The following MAGI3 variants were observed in gnomAD, a reference collection of about 807,000 sequenced individuals.
MAGI3 encodes membrane-associated guanylate kinase, WW and PDZ domain-containing protein 3.
In MAGI3, 43 loss-of-function variants were observed where a neutral mutation model predicts 121.8. The observed-to-expected ratio is 0.35, with a 90% CI of 0.28 to 0.46. The LOEUF is 0.46. Ranked by LOEUF, MAGI3 falls within the 20% of genes least tolerant of loss-of-function variation. The pLI is 1.00. For missense variants in MAGI3, 1,547 were observed against 1,797.3 expected (o/e 0.86, Z 2.52); for synonymous variants, 553 against 639.3 (o/e 0.86, Z 2.04).
chr1:113,419,639 C>T (rs931450005), intron 1 of MAGI3, among the ~76,000 whole-genome samples: 2 of 151,938 alleles, frequency 1.3e-5, no homozygotes, highest in African/African-American at 4.8e-5. Flanking sequence ...AGAGCAAGAC[C>T]TTGTATTTTT....
intron 16 of MAGI3, among the ~76,000 whole-genome samples, chr1:113,663,137 A>T (rs1358890371): frequency 6.6e-6 from 1 of 151,904 alleles, no homozygotes; most frequent in Non-Finnish European, 1.5e-5. Flanking sequence ...AGGCAGGAGA[A>T]TCACTTGAAC....
Position 113,450,149 on chromosome 1 carries a change from CTT to C in MAGI3, c.316+58803_316+58804del, listed in dbSNP as rs1654402132. 6 of 1,490,272 alleles carry C rather than the reference CTT, an allele frequency of 4.0e-6. No homozygotes were observed. The Admixed American group carries it at 1.0e-4, about 25-fold the overall frequency. The allele number at this position is 1,490,272 out of a possible 1,614,324, so 92.3% of individuals were successfully genotyped here. On this transcript the variant is annotated intron_variant, in intron 1 of 20. Coordinates refer to ENST00000307546, the MANE Select transcript of MAGI3 (RefSeq NM_001142782.2). The stretch of plus-strand genomic sequence containing the variant: ...GGAAAAAGAGGATTTGCTTTTGTAA[CTT>C]TTGATGAGCATGATACAGTTGATAA...
At chr1:113,433,735 C>A (rs1336380429) in intron 1 of MAGI3, among the ~76,000 whole-genome samples, 1 of 152,046 alleles carries the variant, frequency 6.6e-6, no homozygotes, top group Non-Finnish European at 1.5e-5. Context: ...TGTGACTTAA[C>A]ACGGTATATT....
chr1:113,412,916 C>T lies in MAGI3; in HGVS notation c.316+21567C>T, dbSNP rs548018681. Among the ~76,000 whole-genome samples, 20 of 152,132 alleles carry T rather than the reference C, an allele frequency of 1.3e-4. No homozygotes were observed. The South Asian group carries it at 2.5e-3, about 19-fold the overall frequency. Reference sequence around the variant, plus strand: ...ATTTGTCAATTTTGGCTTTTGTTGCCGTTGCTTTTGGTGTTTTAGTCATGA... The same window carrying T: ...ATTTGTCAATTTTGGCTTTTGTTGCTGTTGCTTTTGGTGTTTTAGTCATGA... On this transcript the variant is annotated intron_variant, in intron 1 of 20. Transcript: ENST00000307546.
intron 4 of MAGI3, among the ~76,000 whole-genome samples, chr1:113,586,855 G>A (rs1045143167): frequency 9.9e-5 from 15 of 152,078 alleles, no homozygotes; most frequent in African/African-American, 2.9e-4. Context: ...TTCTTTTAGC[G>A]GTAAACTTGT....
At chr1:113,406,633 C>T (rs1358068418) in intron 1 of MAGI3, among the ~76,000 whole-genome samples, 3 of 151,694 alleles carry the variant, frequency 2.0e-5, no homozygotes, top group Non-Finnish European at 4.4e-5. Context: ...GTATTAAAGG[C>T]TGAGTGTGGT....
intron 2 of MAGI3, among the ~76,000 whole-genome samples, chr1:113,559,205 G>A (rs1183317323): frequency 6.6e-6 from 1 of 152,102 alleles, no homozygotes; most frequent in Non-Finnish European, 1.5e-5. Context: ...ACATAACCAT[G>A]CTATCCTTAA....
chr1:113,503,610 G>T (rs1344430351), intron 1 of MAGI3, among the ~76,000 whole-genome samples: 2 of 151,992 alleles, frequency 1.3e-5, no homozygotes, highest in African/African-American at 4.8e-5. Flanking sequence ...ATTTGAAGTT[G>T]TGTTTTCTTT....
chr1:113,603,959 C>A (rs1649573890), intron 6 of MAGI3, among the ~76,000 whole-genome samples: 1 of 152,022 alleles, frequency 6.6e-6, no homozygotes, highest in African/African-American at 2.4e-5. Flanking sequence ...CTTATTCCAG[C>A]CAGAGTAATA....
intron 1 of MAGI3, among the ~76,000 whole-genome samples, chr1:113,396,113 C>T (rs1651101658): frequency 6.6e-6 from 1 of 152,044 alleles, no homozygotes; most frequent in African/African-American, 2.4e-5. Context: ...CTTATGAAGT[C>T]AGTGCCTAAT....
chr1:113,672,586 G>C, intron 17 of MAGI3, 29 bp from the exon 18 acceptor site: 1 of 1,602,940 alleles, frequency 6.2e-7, no homozygotes, highest in Non-Finnish European at 8.5e-7. Context: ...TCTCAGTTCA[G>C]AGAGTGACTT....
chr1:113,555,063 A>G (rs1249600254), intron 2 of MAGI3, among the ~76,000 whole-genome samples: 3 of 152,132 alleles, frequency 2.0e-5, no homozygotes, highest in Non-Finnish European at 4.4e-5. Context: ...TGCAGTATCC[A>G]CAGAAACAGT....
chr1:113,494,887 G>A (rs1656842762), intron 1 of MAGI3, among the ~76,000 whole-genome samples: 1 of 151,924 alleles, frequency 6.6e-6, no homozygotes, highest in Non-Finnish European at 1.5e-5. Flanking sequence ...GATTTTATTT[G>A]TTTACTTGTT....
chr1:113,490,222 G>A (rs2101580238), intron 1 of MAGI3, among the ~76,000 whole-genome samples: 1 of 152,266 alleles, frequency 6.6e-6, no homozygotes, highest in East Asian at 1.9e-4. Flanking sequence ...AGAAGAGATT[G>A]GATGCCAATG....
At chr1:113,634,983 C>G (rs1651910573) in intron 9 of MAGI3, among the ~76,000 whole-genome samples, 1 of 151,976 alleles carries the variant, frequency 6.6e-6, no homozygotes, top group South Asian at 2.1e-4. Flanking sequence ...GTATTTTATT[C>G]TCTTTGAAGC....
chr1:113,467,256 G>C (rs902276040), intron 1 of MAGI3, among the ~76,000 whole-genome samples: 1 of 152,026 alleles, frequency 6.6e-6, no homozygotes, highest in Non-Finnish European at 1.5e-5. Flanking sequence ...CAGTTTCTGA[G>C]GTTCCTCTTG....
At chr1:113,409,000 A>G (rs1651829949) in intron 1 of MAGI3, among the ~76,000 whole-genome samples, 2 of 152,066 alleles carry the variant, frequency 1.3e-5, no homozygotes, top group African/African-American at 4.8e-5. Flanking sequence ...GACTGTAGTG[A>G]TAAAATTGAT....
intron 1 of MAGI3, among the ~76,000 whole-genome samples, chr1:113,532,426 T>A (rs1213372292): frequency 6.6e-6 from 1 of 152,108 alleles, no homozygotes; most frequent in Non-Finnish European, 1.5e-5. Flanking sequence ...TCTACTTTTT[T>A]TTTTAAGTTG....
chr1:113,407,665 A>G (rs75128810), intron 1 of MAGI3, among the ~76,000 whole-genome samples: 3,545 of 152,228 alleles, frequency 0.023, 132 homozygotes, highest in African/African-American at 0.081. Context: ...ACAGATGAGA[A>G]AACTAAACCT....
Sources: allele counts gnomAD v4.1 joint callset (sites outside exome capture counted in the v4.1 genomes callset), GRCh38; gene constraint gnomAD v4.1.1; transcripts MANE v1.5; gene names NCBI Gene and HGNC (gene_info 2026-07-23, HGNC 2026-07-21).